Variants in NELL1 observed in about 807,000 individuals in gnomAD.
The protein encoded by NELL1 is neural EGFL like 1.
In NELL1, 76 loss-of-function variants were observed where a neutral mutation model predicts 107.4. The observed-to-expected ratio is 0.71, with a 90% confidence interval of 0.59 to 0.86. NELL1 has a LOEUF of 0.86. Ranked by LOEUF, NELL1 falls within the 40% of genes least tolerant of loss-of-function variation. The pLI, the probability that NELL1 is intolerant of heterozygous loss-of-function variation, is 0.00. For missense variants in NELL1, 1,024 were observed against 1,005.5 expected (o/e 1.02, Z -0.25); for synonymous variants, 353 against 341.2 (o/e 1.03, Z -0.38).
intron 14 of NELL1, among the ~76,000 whole-genome samples, chr11:21,338,981 A>G (rs1162523828): frequency 6.6e-6 from 1 of 152,322 alleles, no homozygotes; most frequent in South Asian, 2.1e-4. Flanking sequence ...AAAAAGATGG[A>G]ATCTCCAGTC....
intron 12 of NELL1, among the ~76,000 whole-genome samples, chr11:21,005,222 TTACTTC>T (rs1460722618): frequency 6.6e-6 from 1 of 152,188 alleles, no homozygotes; most frequent in Non-Finnish European, 1.5e-5. Flanking sequence ...AAAGTGAGGT[TTACTTC>T]TACTTCTCAT....
At chr11:20,862,144 G>T (rs1300482136) in intron 4 of NELL1, among the ~76,000 whole-genome samples, 1 of 152,218 alleles carries the variant, frequency 6.6e-6, no homozygotes. Context: ...TTAGCACTGT[G>T]TCTGGTAAGT....
intron 16 of NELL1, among the ~76,000 whole-genome samples, chr11:21,548,299 G>A (rs548665794): frequency 6.6e-6 from 1 of 151,860 alleles, no homozygotes; most frequent in East Asian, 1.9e-4. Flanking sequence ...AATATTTGGA[G>A]AATCAATGTA....
intron 15 of NELL1, among the ~76,000 whole-genome samples, chr11:21,467,041 A>G (rs1482554720): frequency 6.6e-6 from 1 of 152,090 alleles, no homozygotes; most frequent in Non-Finnish European, 1.5e-5. Context: ...TTTTCCAGAC[A>G]TGCAACAACT....
intron 11 of NELL1, among the ~76,000 whole-genome samples, chr11:20,952,641 T>A (rs1851091858): frequency 6.6e-6 from 1 of 152,150 alleles, no homozygotes; most frequent in Admixed American, 6.6e-5. Context: ...TGCCATCAAC[T>A]GTGGGCTAAA....
chr11:21,417,244 T>A (rs1160360004), intron 15 of NELL1, among the ~76,000 whole-genome samples: 1 of 152,100 alleles, frequency 6.6e-6, no homozygotes, highest in Admixed American at 6.6e-5. Context: ...CTTTACTTTA[T>A]AATAATAATT....
intron 9 of NELL1, among the ~76,000 whole-genome samples, chr11:20,930,090 G>A (rs919764991): frequency 1.3e-5 from 2 of 151,968 alleles, no homozygotes; most frequent in Non-Finnish European, 2.9e-5. Context: ...GAAAGTTGTT[G>A]TTTGGACATG....
At chr11:20,887,538 A>G (rs1813329912) in intron 5 of NELL1, among the ~76,000 whole-genome samples, 2 of 152,216 alleles carry the variant, frequency 1.3e-5, no homozygotes, top group Admixed American at 1.3e-4. Flanking sequence ...CTTAGATCCC[A>G]TGCGTGACTG....
intron 12 of NELL1, chr11:21,001,119 T>C (rs753539972): frequency 8.5e-5 from 13 of 152,236 alleles, no homozygotes; most frequent in Non-Finnish European, 1.3e-4. Context: ...TTCAAGGCCA[T>C]AGCTGTATCA....
At chr11:20,741,680 G>C (rs1033415686) in intron 2 of NELL1, among the ~76,000 whole-genome samples, 1 of 152,126 alleles carries the variant, frequency 6.6e-6, no homozygotes, top group Non-Finnish European at 1.5e-5. Flanking sequence ...AGAAAATGTA[G>C]ATGAGTCACC....
At chr11:20,989,439 C>T (rs1237625237) in intron 12 of NELL1, among the ~76,000 whole-genome samples, 1 of 152,184 alleles carries the variant, frequency 6.6e-6, no homozygotes, top group Admixed American at 6.5e-5. Flanking sequence ...GCTTTGACTT[C>T]TCCAGGTCCT....
At position 20,847,701 on chromosome 11, in the gene NELL1, G is replaced by A; in HGVS notation, c.454G>A (p.Val152Ile). ...CATGGCAGATGGACAATGGCACAAGGTTGCACTGTCAGTTAGCGCCTCTCA... is the reference window on the plus strand; with the variant it reads ...CATGGCAGATGGACAATGGCACAAGATTGCACTGTCAGTTAGCGCCTCTCA... The part of the protein sequence containing the change: ...YRMADGQWHK[V>I]ALSVSASHLL... Residue 152 changes from valine (V) to isoleucine (I), a missense_variant, in exon 4 of 20, where the codon GTT becomes ATT. Val to Ile is a conservative substitution (Grantham distance 29, BLOSUM62 3). Coordinates refer to ENST00000357134, the MANE Select transcript of NELL1 (RefSeq NM_006157.5). The A allele has an allele frequency of 6.2e-7, 1 of 1,613,658 alleles. No individual in the cohort carries two copies. The highest frequency in any genetic ancestry group is 1.1e-5 in the South Asian group (1 of 91,010).
At chr11:21,044,624 G>A (rs1395097230) in intron 12 of NELL1, among the ~76,000 whole-genome samples, 2 of 152,138 alleles carry the variant, frequency 1.3e-5, no homozygotes, top group Non-Finnish European at 2.9e-5. Flanking sequence ...GGACCTTTTA[G>A]GAGCAAGTGG....
upstream of NELL1, chr11:20,669,577 G>T (rs1353463414): frequency 2.7e-5 from 14 of 528,246 alleles, no homozygotes; most frequent in Non-Finnish European, 1.7e-5. The surrounding 1 kb of genome is among the most constrained non-coding windows in gnomAD (Gnocchi z 4.4). Flanking sequence ...GCGCATATGC[G>T]AGCGCAGCAC....
At chr11:21,147,668 C>T (rs1368149834) in intron 13 of NELL1, among the ~76,000 whole-genome samples, 2 of 151,534 alleles carry the variant, frequency 1.3e-5, no homozygotes, top group Non-Finnish European at 2.9e-5. Flanking sequence ...ACCCATCCAT[C>T]TCTACTAAAA....
At chr11:21,035,548 G>T (rs1479652328) in intron 12 of NELL1, among the ~76,000 whole-genome samples, 1 of 151,576 alleles carries the variant, frequency 6.6e-6, no homozygotes, top group Non-Finnish European at 1.5e-5. Flanking sequence ...GATCAAGTAG[G>T]CTTTTTCCCT....
chr11:20,940,286 G>C (rs1314694626), intron 10 of NELL1, among the ~76,000 whole-genome samples: 2 of 149,520 alleles, frequency 1.3e-5, no homozygotes, highest in Admixed American at 1.3e-4. Flanking sequence ...TTTAGACCGG[G>C]TCTCGCTCTG....
intron 15 of NELL1, among the ~76,000 whole-genome samples, chr11:21,399,216 T>C (rs1852043500): frequency 6.6e-6 from 1 of 151,726 alleles, no homozygotes; most frequent in African/African-American, 2.4e-5. Context: ...TATCTACAAG[T>C]AGATTCAACT....
At chr11:21,476,094 T>C (rs574024929) in intron 15 of NELL1, among the ~76,000 whole-genome samples, 48 of 152,292 alleles carry the variant, frequency 3.2e-4, no homozygotes, top group Non-Finnish European at 5.3e-4. Flanking sequence ...TAAATTAACT[T>C]ACTTAACCAG....
Sources: allele counts gnomAD v4.1 joint callset (sites outside exome capture counted in the v4.1 genomes callset), GRCh38; gene constraint gnomAD v4.1.1; non-coding constraint Gnocchi (gnomAD v3.1); transcripts MANE v1.5; gene names NCBI Gene and HGNC (gene_info 2026-07-23, HGNC 2026-07-21).